TTC7A: variants seen among roughly 807,000 people sequenced by gnomAD.
TTC7A encodes the protein tetratricopeptide repeat domain 7A, also known as tetratricopeptide repeat protein 7A.
Under a neutral mutation model 103.7 loss-of-function variants are expected in TTC7A, and 110 were observed. The observed-to-expected ratio is 1.06, with a 90% confidence interval of 0.91 to 1.24. TTC7A has a LOEUF of 1.24. Among genes scored for constraint, TTC7A ranks in the 50% most tolerant of loss-of-function variants. The probability of loss-of-function intolerance (pLI) is 0.00; values close to 1 mark genes in which losing one functional copy is unlikely to be tolerated. For synonymous variants in TTC7A, 521 were observed against 467.9 expected (o/e 1.11, Z -1.47); for missense variants, 1,340 against 1,116.3 (o/e 1.20, Z -2.86).
chr2:46,964,594 G>T (rs1045455058), intron 3 of TTC7A, among the ~76,000 whole-genome samples: 33 of 152,338 alleles, frequency 2.2e-4, no homozygotes, highest in African/African-American at 7.9e-4. Flanking sequence ...AGGGGTCTGG[G>T]CCCTAGACTA....
intron 2 of TTC7A, among the ~76,000 whole-genome samples, chr2:46,931,541 GCC>G (rs1396534977): frequency 1.3e-5 from 2 of 152,166 alleles, no homozygotes; most frequent in Non-Finnish European, 2.9e-5. Flanking sequence ...GAGTAGAGGT[GCC>G]CATGGAAGCA....
intron 2 of TTC7A, among the ~76,000 whole-genome samples, chr2:46,955,307 A>C (rs1185154223): frequency 5.9e-5 from 9 of 152,216 alleles, no homozygotes; most frequent in Admixed American, 5.9e-4. Flanking sequence ...TGTGGGCCAC[A>C]TACCTCTGGG....
At position 47,054,263 on chromosome 2, in the gene TTC7A, A is replaced by T. The variant is rs534068021; in HGVS notation, c.2152+2383A>T. The T allele has an allele frequency of 5.0e-5, 28 of 555,164 alleles. No homozygotes were observed. In the East Asian group the frequency reaches 0.011, roughly 228 times the overall value. The allele number at this position is 555,164 out of a possible 1,614,324, so 34.4% of individuals were successfully genotyped here. On this transcript the variant is annotated intron_variant, in intron 18 of 19. Coordinates refer to ENST00000319190, the MANE Select transcript of TTC7A (RefSeq NM_020458.4). ...TTATTTCTTTCTCATGTAACAGTTT[A>T]CAGTTTACAGATGACAGCCTTGACT...
Position 47,001,859 on chromosome 2 carries a change from C to CA in TTC7A, c.1066-4043dup, listed in dbSNP as rs397871545. Among the ~76,000 whole-genome samples the CA allele has an allele frequency of 1.0e-2, 900 of 90,208 alleles. 8 individuals carry two copies. Among genetic ancestry groups the CA allele is most frequent in the South Asian group, 0.021 (53 of 2,500 alleles). 59.2% of individuals were successfully genotyped at this position (90,208 alleles called of 152,430 possible). A position where few individuals can be genotyped will look rare whatever the true frequency, so the allele number is the denominator to read the frequency against. On this transcript the variant is annotated intron_variant, in intron 8 of 19. Coordinates refer to ENST00000319190, the MANE Select transcript of TTC7A (RefSeq NM_020458.4). ...GGGCAACAAGAGCGAGACTCTGTCTCAAAAAAAAAAAAAAAAAAAAGAGTA... is the reference window on the plus strand; with the variant it reads ...GGGCAACAAGAGCGAGACTCTGTCTCAAAAAAAAAAAAAAAAAAAAAGAGTA...
chr2:46,986,217 G>C (rs546339048), intron 5 of TTC7A, among the ~76,000 whole-genome samples: 1 of 152,212 alleles, frequency 6.6e-6, no homozygotes, highest in African/African-American at 2.4e-5. Flanking sequence ...TTTTCTGCTG[G>C]TTACATTCCA....
chr2:47,045,093 C>G (rs560639985), intron 15 of TTC7A, among the ~76,000 whole-genome samples: 70 of 152,316 alleles, frequency 4.6e-4, no homozygotes, highest in African/African-American at 1.7e-3. Flanking sequence ...CGTGGTCTTG[C>G]TCATCAGTGA....
At chr2:47,027,061 G>A (rs1200797975) in intron 14 of TTC7A, among the ~76,000 whole-genome samples, 1 of 152,156 alleles carries the variant, frequency 6.6e-6, no homozygotes, top group Non-Finnish European at 1.5e-5. Context: ...GGCCTTCCTG[G>A]CCCTCCACCC....
At chr2:47,002,874 T>C (rs971566921) in intron 8 of TTC7A, among the ~76,000 whole-genome samples, 12 of 152,088 alleles carry the variant, frequency 7.9e-5, no homozygotes, top group Non-Finnish European at 1.8e-4. Context: ...GGCTGGGGAA[T>C]CACAGCCCTC....
chr2:47,014,674 G>A (rs894802261), intron 11 of TTC7A, among the ~76,000 whole-genome samples: 4 of 152,214 alleles, frequency 2.6e-5, no homozygotes, highest in Non-Finnish European at 5.9e-5. Context: ...CACCCCCTTC[G>A]TCTCCTGCCT....
intron 17 of TTC7A, chr2:47,050,955 GAA>G (rs1389967562): frequency 1.3e-5 from 2 of 152,306 alleles, no homozygotes; most frequent in Admixed American, 6.5e-5. Context: ...CAGAGAGAGA[GAA>G]AGTGCTCACA....
Position 47,048,695 on chromosome 2 carries a change from T to G in TTC7A, c.1920-1254T>G, listed in dbSNP as rs537084157. ...ACAGCTCACTGCAGCCTCTGTCCCC[T>G]GGGCTTAAGCAATCCTCCTGCCTCA... On this transcript the variant is annotated intron_variant, in intron 16 of 19. Transcript: ENST00000319190. Among the ~76,000 whole-genome samples, 7 of 152,286 alleles carry G rather than the reference T, an allele frequency of 4.6e-5. No individual in the cohort carries two copies. The South Asian group carries it at 1.2e-3, about 27-fold the overall frequency.
At chr2:47,024,834 C>G (rs982125067) in intron 14 of TTC7A, among the ~76,000 whole-genome samples, 1 of 152,168 alleles carries the variant, frequency 6.6e-6, no homozygotes, top group African/African-American at 2.4e-5. Flanking sequence ...TGTCTGCTGA[C>G]TACCTTAGCC....
intron 18 of TTC7A, among the ~76,000 whole-genome samples, chr2:47,054,676 T>C (rs1247995594): frequency 1.3e-5 from 2 of 151,612 alleles, no homozygotes; most frequent in African/African-American, 4.9e-5. Flanking sequence ...CTACTAAAAA[T>C]ACAAAAAAAT....
chr2:47,059,501 C>G (rs1169689583), intron 18 of TTC7A, among the ~76,000 whole-genome samples: 1 of 152,112 alleles, frequency 6.6e-6, no homozygotes, highest in Non-Finnish European at 1.5e-5. Flanking sequence ...TGCCCCTGAG[C>G]TGCTTCTCCC....
At chr2:47,027,243 C>A (rs578138834) in intron 14 of TTC7A, among the ~76,000 whole-genome samples, 3 of 152,170 alleles carry the variant, frequency 2.0e-5, no homozygotes, top group Non-Finnish European at 4.4e-5. Context: ...TGCTAGGAAT[C>A]AGGGATGAGG....
intron 18 of TTC7A, among the ~76,000 whole-genome samples, chr2:47,059,172 C>G (rs1683569737): frequency 6.6e-6 from 1 of 151,812 alleles, no homozygotes; most frequent in Non-Finnish European, 1.5e-5. Flanking sequence ...AGGCACCCAC[C>G]ACCATGCCCA....
chr2:46,917,221 C>T (rs1457263532), exon 2 of TTC7A: 1 of 699,896 alleles, frequency 1.4e-6, no homozygotes, highest in African/African-American at 1.8e-5. Flanking sequence ...TCTCGAACTC[C>T]TGGGTTCAAG....
intron 15 of TTC7A, chr2:47,045,531 T>C (rs556235909): frequency 6.6e-6 from 1 of 152,352 alleles, no homozygotes; most frequent in South Asian, 2.1e-4. Context: ...ACTTTAGGTT[T>C]TCAGGTCGAA....
At chr2:46,974,630 A>G (rs1673670935) in intron 3 of TTC7A, 1 of 458,824 alleles carries the variant, frequency 2.2e-6, no homozygotes, top group African/African-American at 2.0e-5. Context: ...AAAAGGAGGA[A>G]AGAGGAAAGA....
Sources: gnomAD v4.1 joint callset for allele counts (sites outside exome capture counted in the v4.1 genomes callset) on GRCh38, gnomAD v4.1.1 for gene constraint, MANE v1.5 for transcripts, NCBI Gene and HGNC (gene_info 2026-07-23, HGNC 2026-07-21) for gene names.